SGK1: variants seen among roughly 807,000 people sequenced by gnomAD.
SGK1 encodes the protein serum/glucocorticoid regulated kinase 1.
A neutral mutation model predicts 64.2 loss-of-function variants in SGK1; 26 were observed. That is an observed-to-expected ratio of 0.40 (90% CI 0.30 to 0.56). The LOEUF (loss-of-function observed/expected upper bound fraction) is 0.56, where lower values mean the gene tolerates loss of function less well. Ranked by LOEUF, SGK1 falls within the 20% of genes least tolerant of loss-of-function variation. The pLI, the probability that SGK1 is intolerant of heterozygous loss-of-function variation, is 0.38. For synonymous variants in SGK1, 265 were observed against 239.7 expected, an observed-to-expected ratio of 1.11 and a Z score of -0.98; for missense variants, 519 against 645.6, an observed-to-expected ratio of 0.80 and a Z score of 2.12.
chr6:134,306,453 T>C (rs1777536382), intron 1 of SGK1, among the ~76,000 whole-genome samples: 1 of 151,920 alleles, frequency 6.6e-6, no homozygotes, highest in African/African-American at 2.4e-5. Flanking sequence ...CAAGGAGCTA[T>C]AATGAGCATG....
intron 3 of SGK1, among the ~76,000 whole-genome samples, chr6:134,180,867 A>C (rs1022141832): frequency 8.7e-6 from 1 of 114,446 alleles, no homozygotes. Context: ...GTGAGATCCT[A>C]TCTCAAAAAA....
At position 134,174,050 on chromosome 6, in the gene SGK1, G is replaced by A; in HGVS notation, c.468C>T (p.Ser156=). ...TCATAAGCTCAGGCTCCTGAGGTTG[G>A]GAGATCTTCAAGATGGACTGAACTT... ...HPEVQSILKI[S]QPQEPELMNA... The change falls in exon 5 of 14, where the codon TCC becomes TCT. Residue 156 remains serine, a synonymous_variant. Coordinates refer to ENST00000367858, the MANE Select transcript of SGK1 (RefSeq NM_001143676.3). 6.2e-7 allele frequency: 1 copy of A among 1,613,440 alleles called. No homozygotes were observed.
chr6:134,245,804 A>T (rs1324524816), intron 2 of SGK1, among the ~76,000 whole-genome samples: 1 of 152,242 alleles, frequency 6.6e-6, no homozygotes, highest in Non-Finnish European at 1.5e-5. Context: ...CAGCCCAGGC[A>T]ACATAGTGAG....
Position 134,173,313 on chromosome 6 carries a change from G to T in SGK1, c.663C>A (p.Val221=), listed in dbSNP as rs748601893. 1.9e-6 allele frequency: 3 copies of T among 1,613,800 alleles called. No individual in the cohort carries two copies. The African/African-American group carries it at 4.0e-5, about 22-fold the overall frequency. The change falls in exon 7 of 14, where the codon GTC becomes GTA. Residue 221 remains valine, a synonymous_variant. Coordinates refer to ENST00000367858, the MANE Select transcript of SGK1 (RefSeq NM_001143676.3). ...RHKAEEVFYA[V]KVLQKKAILK... Reference sequence around the variant, plus strand: ...GGATTGCTTTCTTCTGTAAAACTTTGACTGCATAGAACACTTCTTCTGCCT... The same window carrying T: ...GGATTGCTTTCTTCTGTAAAACTTTTACTGCATAGAACACTTCTTCTGCCT...
intron 3 of SGK1, among the ~76,000 whole-genome samples, chr6:134,203,279 A>G (rs2114678789): frequency 6.6e-6 from 1 of 152,304 alleles, no homozygotes; most frequent in South Asian, 2.1e-4. Flanking sequence ...ATTTATTGTA[A>G]TCTTCAGAGC....
At chr6:134,275,929 G>A (rs766633500) in intron 1 of SGK1, among the ~76,000 whole-genome samples, 1 of 152,168 alleles carries the variant, frequency 6.6e-6, no homozygotes, top group South Asian at 2.1e-4. Flanking sequence ...ATTTGTTTAA[G>A]TGGGAGCACA....
intron 11 of SGK1, chr6:134,171,382 A>T (rs754957913): frequency 8.1e-6 from 5 of 619,242 alleles, no homozygotes; most frequent in Non-Finnish European, 1.4e-5. Context: ...GTGGAGGGTG[A>T]GGGGGTAGAT....
At chr6:134,196,693 A>T (rs1227651079) in intron 3 of SGK1, among the ~76,000 whole-genome samples, 1 of 152,180 alleles carries the variant, frequency 6.6e-6, no homozygotes, top group African/African-American at 2.4e-5. Flanking sequence ...CAGGAAGCTG[A>T]GAATGATTGT....
At position 134,317,491 on chromosome 6, in the gene SGK1, T is replaced by C. The variant is rs1327650142; in HGVS notation, c.-31A>G. 1 of 1,471,226 alleles carries C rather than the reference T, an allele frequency of 6.8e-7. No individual in the cohort carries two copies. The highest frequency in any genetic ancestry group is 1.7e-4 in the Middle Eastern group (1 of 5,822). 91.1% of individuals were successfully genotyped at this position (1,471,226 alleles called of 1,614,324 possible). A position where few individuals can be genotyped will look rare whatever the true frequency, so the allele number is the denominator to read the frequency against. On this transcript the variant is annotated 5_prime_UTR_variant, in exon 1 of 14. Transcript: ENST00000367858. Reference sequence around the variant, plus strand: ...ACCGTGGGGAATTCACAGTTATAGATCCAGGTTGGCACCCGCCTGGTTAGT... The same window carrying C: ...ACCGTGGGGAATTCACAGTTATAGACCCAGGTTGGCACCCGCCTGGTTAGT...
At chr6:134,217,859 TG>T (rs1406263120) in intron 2 of SGK1, among the ~76,000 whole-genome samples, 1 of 152,220 alleles carries the variant, frequency 6.6e-6, no homozygotes, top group Non-Finnish European at 1.5e-5. Flanking sequence ...CCTCCTTTTG[TG>T]GTTTTATTTC....
At chr6:134,221,945 G>A (rs1414685940) in intron 2 of SGK1, among the ~76,000 whole-genome samples, 2 of 152,066 alleles carry the variant, frequency 1.3e-5, no homozygotes, top group African/African-American at 4.8e-5. Context: ...GAGCTACCAC[G>A]CCCGGCTGGC....
chr6:134,292,551 C>T (rs928262114), intron 1 of SGK1, among the ~76,000 whole-genome samples: 3 of 152,156 alleles, frequency 2.0e-5, no homozygotes, highest in East Asian at 1.9e-4. Context: ...CGAGATTGCG[C>T]CACTGCACTC....
At chr6:134,176,487 A>G (rs568563234) in intron 3 of SGK1, among the ~76,000 whole-genome samples, 181 of 152,232 alleles carry the variant, frequency 1.2e-3, no homozygotes, top group African/African-American at 4.2e-3. Flanking sequence ...CCGCAGCCTG[A>G]CCGCCGGCGC....
At position 134,174,930 on chromosome 6, in the gene SGK1, T is replaced by C. The variant is rs1342366506; in HGVS notation, c.362-344A>G. The C allele has an allele frequency of 4.0e-6, 6 of 1,514,360 alleles. No homozygotes were observed. The African/African-American group carries it at 8.4e-5, about 21-fold the overall frequency. 93.8% of individuals were successfully genotyped at this position (1,514,360 alleles called of 1,614,324 possible). ...CGCGGGGGCGGGGCCTGCGCGACAG[T>C]GAGAAGTGGCCCCGCCCTTCGCCTC... is the stretch of plus-strand genomic sequence containing the variant. On this transcript the variant is annotated intron_variant, in intron 3 of 13. Coordinates refer to ENST00000367858, the MANE Select transcript of SGK1 (RefSeq NM_001143676.3).
At chr6:134,251,596 G>A (rs1213755128) in intron 2 of SGK1, among the ~76,000 whole-genome samples, 2 of 152,034 alleles carry the variant, frequency 1.3e-5, no homozygotes, top group African/African-American at 4.8e-5. Flanking sequence ...TTCCCTTCCA[G>A]ACTCATCACT....
At position 134,272,227 on chromosome 6, in the gene SGK1, C is replaced by T. The variant is rs150476037; in HGVS notation, c.70-10079G>A. ...ATGATCTCAGCTCACCGCAACCTCC[C>T]GTTCCTGGGTTCAAGGAATTCTCCT... On this transcript the variant is annotated intron_variant, in intron 1 of 13. Transcript: ENST00000367858. Among the ~76,000 whole-genome samples the T allele has an allele frequency of 1.2e-3, 178 of 144,928 alleles. 7 individuals are homozygous for T. Among genetic ancestry groups the T allele is most frequent in the African/African-American group, 4.1e-3 (166 of 40,610 alleles).
intron 2 of SGK1, among the ~76,000 whole-genome samples, chr6:134,233,264 T>C (rs374387952): frequency 1.3e-5 from 2 of 152,346 alleles, no homozygotes. Flanking sequence ...ATCCCACTTA[T>C]AGTCTTCAAT....
chr6:134,285,441 G>A (rs1777168133), intron 1 of SGK1, among the ~76,000 whole-genome samples: 1 of 143,204 alleles, frequency 7.0e-6, no homozygotes, highest in Admixed American at 7.3e-5. Flanking sequence ...TCCTGCCACT[G>A]CACTCCAGCC....
At chr6:134,306,147 C>T (rs13196672) in intron 1 of SGK1, among the ~76,000 whole-genome samples, 28,916 of 152,062 alleles carry the variant, frequency 0.19, 3,599 homozygotes, top group East Asian at 0.54. Context: ...AGGCCGGGCG[C>T]GGTGGCTCAA....
Sources: allele counts gnomAD v4.1 joint callset (sites outside exome capture counted in the v4.1 genomes callset), GRCh38; gene constraint gnomAD v4.1.1; transcripts MANE v1.5; gene names NCBI Gene and HGNC (gene_info 2026-07-23, HGNC 2026-07-21).